Variants in MYT1L observed in about 807,000 individuals in gnomAD.
The protein encoded by MYT1L is myelin transcription factor 1-like protein.
In MYT1L, 12 loss-of-function variants were observed where a neutral mutation model predicts 126.7. The ratio of observed to expected loss-of-function variants is 0.09; its 90% confidence interval spans 0.06 to 0.15. The LOEUF (loss-of-function observed/expected upper bound fraction) is 0.15, where lower values mean the gene tolerates loss of function less well. Ranked by LOEUF, MYT1L falls within the 10% of genes least tolerant of loss-of-function variation. MYT1L has a pLI of 1.00. For missense variants in MYT1L, 979 were observed against 1,585.2 expected (o/e 0.62, Z 6.49); for synonymous variants, 541 against 604.2 (o/e 0.90, Z 1.53).
At chr2:2,273,331 A>C (rs2149354566) in intron 2 of MYT1L, among the ~76,000 whole-genome samples, 1 of 152,288 alleles carries the variant, frequency 6.6e-6, no homozygotes, top group East Asian at 1.9e-4. Context: ...TCTAGAAATG[A>C]CCCCTGATAA....
chr2:2,065,297 A>C (rs976217697), intron 3 of MYT1L, among the ~76,000 whole-genome samples: 1 of 152,346 alleles, frequency 6.6e-6, no homozygotes, highest in South Asian at 2.1e-4. Flanking sequence ...AAGATTAAAA[A>C]AATTTTAAAA....
chr2:1,998,649 C>G (rs1469095730), intron 4 of MYT1L, among the ~76,000 whole-genome samples: 2 of 152,106 alleles, frequency 1.3e-5, no homozygotes, highest in Non-Finnish European at 2.9e-5. Flanking sequence ...CCTGATTAGT[C>G]CCTTGAAGGA....
rs537646414 is a variant in MYT1L, at chr2:1,848,817, G to A, written c.2774+2824C>T. Among the ~76,000 whole-genome samples the A allele has an allele frequency of 6.6e-6, 1 of 152,112 alleles. No individual in the cohort carries two copies. Among genetic ancestry groups the A allele is most frequent in the Non-Finnish European group, 1.5e-5 (1 of 68,010 alleles). On this transcript the variant is annotated intron_variant, in intron 19 of 24. Transcript: ENST00000647738. This position sits in a 1 kb window ranked among gnomAD's most constrained non-coding sequence, Gnocchi z 4.8. ...ACTGTCACGTGGAGGCAACACTTCT[G>A]CTGAGCAACGTGCCCAGCCCCGCTT... is the stretch of plus-strand genomic sequence containing the variant.
intron 3 of MYT1L, among the ~76,000 whole-genome samples, chr2:2,097,733 C>T (rs187856923): frequency 2.5e-4 from 38 of 152,178 alleles, no homozygotes; most frequent in Non-Finnish European, 4.7e-4. Context: ...TCATGGTTGC[C>T]GGTACTCATC....
intron 3 of MYT1L, among the ~76,000 whole-genome samples, chr2:2,143,000 A>T (rs1027238451): frequency 1.3e-5 from 2 of 150,550 alleles, no homozygotes; most frequent in African/African-American, 4.9e-5. Context: ...ACTTTTTTAA[A>T]AAGTTGTAGG....
In MYT1L at chr2:1,801,922, GAAT is replaced by G. The variant is rs2034922336; in HGVS notation, c.3173-126_3173-124del. The G allele has an allele frequency of 8.3e-6, 5 of 604,276 alleles. No homozygotes were observed. The highest frequency in any genetic ancestry group is 1.4e-5 in the Non-Finnish European group (5 of 355,454). The allele number at this position is 604,276 out of a possible 1,614,324, so 37.4% of individuals were successfully genotyped here. On this transcript the variant is annotated intron_variant, in intron 22 of 24. Transcript: ENST00000647738. This position sits in a 1 kb window ranked among gnomAD's most constrained non-coding sequence, Gnocchi z 4.2. ...GAATTTGCTTGGAAAATAGACTCTT[GAAT>G]TAGAAAGGAAAAAATCATCACAATC...
At chr2:2,276,735 G>A (rs1235823652) in intron 2 of MYT1L, among the ~76,000 whole-genome samples, 3 of 152,024 alleles carry the variant, frequency 2.0e-5, no homozygotes, top group Non-Finnish European at 4.4e-5. Flanking sequence ...CTCTCTGCAG[G>A]TGCATACAAG....
intron 2 of MYT1L, among the ~76,000 whole-genome samples, chr2:2,233,177 T>C (rs2094200570): frequency 6.6e-6 from 1 of 152,228 alleles, no homozygotes; most frequent in African/African-American, 2.4e-5. Flanking sequence ...TTGGAAATCT[T>C]GGAGAAGCTA....
chr2:2,144,075 T>C (rs901532816), intron 3 of MYT1L, among the ~76,000 whole-genome samples: 3 of 152,132 alleles, frequency 2.0e-5, no homozygotes, highest in African/African-American at 7.2e-5. Context: ...CTAAAAAGCC[T>C]GCACATGTAC....
intron 15 of MYT1L, among the ~76,000 whole-genome samples, 168 bp downstream of exon 15, chr2:1,891,869 T>A (rs2048923903): frequency 3.9e-5 from 6 of 152,178 alleles, no homozygotes; most frequent in Admixed American, 3.9e-4. Context: ...GTGTTCAGGC[T>A]GCGTTAAGGG....
intron 2 of MYT1L, among the ~76,000 whole-genome samples, chr2:2,180,136 A>G (rs1342716883): frequency 6.6e-6 from 1 of 152,156 alleles, no homozygotes; most frequent in Non-Finnish European, 1.5e-5. Context: ...TTTTTGTATT[A>G]CCAGGGGCCA....
At chr2:1,952,880 T>TTG (rs1234526116) in intron 8 of MYT1L, among the ~76,000 whole-genome samples, 6 of 70,020 alleles carry the variant, frequency 8.6e-5, no homozygotes, top group Non-Finnish European at 1.1e-4. Context: ...CTTCCCTCCT[T>TTG]CCTTCCCTTC....
intron 18 of MYT1L, among the ~76,000 whole-genome samples, chr2:1,862,765 G>T (rs1389605353): frequency 6.6e-6 from 1 of 152,190 alleles, no homozygotes; most frequent in Non-Finnish European, 1.5e-5. Flanking sequence ...ACGCTGCAGG[G>T]ATGTGGCCGT....
chr2:2,044,010 T>G (rs2067862325), intron 4 of MYT1L, among the ~76,000 whole-genome samples: 1 of 152,230 alleles, frequency 6.6e-6, no homozygotes, highest in Non-Finnish European at 1.5e-5. Flanking sequence ...AGGAGAGAGT[T>G]CAAAAGGTAC....
intron 8 of MYT1L, among the ~76,000 whole-genome samples, chr2:1,968,742 G>T (rs377500686): frequency 6.6e-6 from 1 of 152,192 alleles, no homozygotes; most frequent in African/African-American, 2.4e-5. Flanking sequence ...GGTCGCCTTT[G>T]TGGTTGGCTC....
chr2:1,933,789 T>C (rs1456029095), intron 9 of MYT1L, among the ~76,000 whole-genome samples: 1 of 152,142 alleles, frequency 6.6e-6, no homozygotes, highest in Non-Finnish European at 1.5e-5. Flanking sequence ...CACAGTGCCA[T>C]GAGCCACATA....
At chr2:1,872,301 C>T (rs1337799966) in intron 18 of MYT1L, among the ~76,000 whole-genome samples, 2 of 152,066 alleles carry the variant, frequency 1.3e-5, no homozygotes, top group Non-Finnish European at 2.9e-5. Context: ...TGTCATCCAA[C>T]GAAAGGTAGA....
In MYT1L at chr2:2,107,821, C is replaced by T. The variant is rs551797109; in HGVS notation, c.-303-53698G>A. ...GGAAGTTTCAGCATGGGAGAATAGG[C>T]GCGTGCACCCAGAAGAGCAGAAGGC... On this transcript the variant is annotated intron_variant, in intron 3 of 24. Transcript: ENST00000647738. Among the ~76,000 whole-genome samples, 100 of 152,168 alleles carry T rather than the reference C, an allele frequency of 6.6e-4. No individual in the cohort carries two copies. In the Middle Eastern group the frequency reaches 0.017, roughly 26 times the overall value.
In MYT1L at chr2:1,892,151, C is replaced by T. The variant is rs1263807599; in HGVS notation, c.2169G>A (p.Thr723=). The change falls in exon 15 of 25, where the codon ACG becomes ACA. Residue 723 remains threonine (T), a synonymous_variant. Coordinates refer to ENST00000647738, the MANE Select transcript of MYT1L (RefSeq NM_001303052.2). ...STCSKSSFDY[T]HDMEAAHMAA... ...CCATGTGGGCCGCCTCCATGTCGTG[C>T]GTGTAGTCGAAGCTGCTCTTGCTGC... The T allele has an allele frequency of 6.5e-6, 10 of 1,548,546 alleles. No homozygotes were observed. Among genetic ancestry groups the T allele is most frequent in the Non-Finnish European group, 6.1e-6 (7 of 1,146,658 alleles).
Sources: allele counts gnomAD v4.1 joint callset (sites outside exome capture counted in the v4.1 genomes callset), GRCh38; gene constraint gnomAD v4.1.1; non-coding constraint Gnocchi (gnomAD v3.1); transcripts MANE v1.5; gene names NCBI Gene and HGNC (gene_info 2026-07-23, HGNC 2026-07-21).